Variants in MED15 observed in about 807,000 individuals in gnomAD.
MED15 encodes the protein mediator of RNA polymerase II transcription subunit 15.
MED15 carries 41 observed loss-of-function variants against 118.7 expected under a neutral mutation model. That is an observed-to-expected ratio of 0.35 (90% CI 0.27 to 0.45). The LOEUF (loss-of-function observed/expected upper bound fraction) is 0.45, where lower values mean the gene tolerates loss of function less well. Among genes scored for constraint, MED15 ranks in the 20% least tolerant of loss-of-function variants. The pLI is 1.00. For missense variants in MED15, 740 were observed against 1,025.5 expected, an observed-to-expected ratio of 0.72 and a Z score of 3.80; for synonymous variants, 436 against 413.9, an observed-to-expected ratio of 1.05 and a Z score of -0.65.
At chr22:20,525,530 CTTTTTTTT>C (rs753248152) in intron 1 of MED15, among the ~76,000 whole-genome samples, 8 of 113,312 alleles carry the variant, frequency 7.1e-5, no homozygotes, top group Admixed American at 9.3e-5. Context: ...TGACCTTTCT[CTTTTTTTT>C]TTTTTTTTTT....
chr22:20,561,742 C>T (rs1025316204), intron 5 of MED15, among the ~76,000 whole-genome samples: 3 of 152,150 alleles, frequency 2.0e-5, no homozygotes, highest in African/African-American at 7.2e-5. Flanking sequence ...AGGCCAAGTG[C>T]AGTGGCTCAC....
At chr22:20,512,887 ATGCGCCACCAGGCCCAGCTAATTTT>A (rs1399144626) in intron 1 of MED15, among the ~76,000 whole-genome samples, 1 of 151,256 alleles carries the variant, frequency 6.6e-6, no homozygotes, top group Non-Finnish European at 1.5e-5. Context: ...GGTTACAGGC[ATGCGCCACCAGGCCCAGCTAATTTT>A]TGTATTTTTA....
At chr22:20,564,340 A>G (rs2056353492) in intron 5 of MED15, 110 bp from the exon 6 acceptor site, 2 of 1,531,150 alleles carry the variant, frequency 1.3e-6, no homozygotes, top group Non-Finnish European at 8.8e-7. Flanking sequence ...TTCCAGCGGC[A>G]GCCGTGGCAG....
intron 5 of MED15, among the ~76,000 whole-genome samples, chr22:20,560,960 T>TA (rs922760182): frequency 6.6e-6 from 1 of 152,168 alleles, no homozygotes; most frequent in Non-Finnish European, 1.5e-5. Flanking sequence ...AGCAGGGAGA[T>TA]AGAGCGTGAA....
intron 1 of MED15, chr22:20,523,785 AAGCTCGT>A (rs2054540960): frequency 1.0e-6 from 1 of 985,318 alleles, no homozygotes; most frequent in South Asian, 4.7e-5. Flanking sequence ...TATGTGAAGG[AAGCTCGT>A]GTATTCTTCT....
At chr22:20,551,945 T>C (rs1198991603) in intron 3 of MED15, among the ~76,000 whole-genome samples, 1 of 152,210 alleles carries the variant, frequency 6.6e-6, no homozygotes, top group Non-Finnish European at 1.5e-5. Context: ...GGCTCCCTGC[T>C]GTGCTGAGGG....
intron 3 of MED15, chr22:20,552,603 C>A: frequency 2.4e-6 from 1 of 421,898 alleles, no homozygotes; most frequent in Non-Finnish European, 4.8e-6. Context: ...AGCAGCCGAG[C>A]AGGAGGCTCA....
chr22:20,556,216 T>C (rs993013467), intron 5 of MED15, among the ~76,000 whole-genome samples: 11 of 152,136 alleles, frequency 7.2e-5, no homozygotes, highest in African/African-American at 2.4e-4. Context: ...AATAATAGTA[T>C]CTTACATAGA....
intron 2 of MED15, among the ~76,000 whole-genome samples, chr22:20,537,644 A>G (rs1569193089): frequency 6.6e-6 from 1 of 152,236 alleles, no homozygotes; most frequent in Non-Finnish European, 1.5e-5. Context: ...GAAGAAGGTG[A>G]TGCTTATCTA....
chr22:20,508,493 C>G (rs554559197), intron 1 of MED15: 13 of 1,072,402 alleles, frequency 1.2e-5, no homozygotes, highest in African/African-American at 8.2e-5. Context: ...GGGCTGAGTC[C>G]GAAAAGAGAG....
intron 6 of MED15, among the ~76,000 whole-genome samples, chr22:20,565,357 G>A (rs914976611): frequency 5.3e-5 from 8 of 152,192 alleles, no homozygotes; most frequent in African/African-American, 1.9e-4. Flanking sequence ...GGGCCATTTT[G>A]GCTGAGGACA....
rs551603728 is a variant in MED15 at position 20,554,877 on chromosome 22, G to A, written c.239-59G>A. 2.1e-5 allele frequency: 32 copies of A among 1,499,392 alleles called. No homozygotes were observed. The South Asian group carries it at 3.6e-4, about 17-fold the overall frequency. The allele number at this position is 1,499,392 out of a possible 1,614,324, so 92.9% of individuals were successfully genotyped here. ...GTGCTCTGTGAGCCTTACGCCCTTT[G>A]AGCCATGGTCAGTCTGGTAGGCCCT... On this transcript the variant is annotated intron_variant, in intron 4 of 17. Coordinates refer to ENST00000263205, the MANE Select transcript of MED15 (RefSeq NM_001003891.3).
intron 5 of MED15, among the ~76,000 whole-genome samples, chr22:20,560,547 G>A (rs2056195588): frequency 6.6e-6 from 1 of 152,178 alleles, no homozygotes; most frequent in Non-Finnish European, 1.5e-5. Flanking sequence ...ACAGGCATGA[G>A]CCTCCGCGCC....
intron 9 of MED15, among the ~76,000 whole-genome samples, chr22:20,575,735 A>AAT (rs953069198): frequency 3.3e-5 from 5 of 150,830 alleles, no homozygotes; most frequent in Non-Finnish European, 7.4e-5. Flanking sequence ...TTTAATGGAA[A>AAT]ATATATATAT....
intron 2 of MED15, among the ~76,000 whole-genome samples, chr22:20,544,482 G>A (rs940401598): frequency 7.2e-5 from 11 of 152,116 alleles, no homozygotes; most frequent in Non-Finnish European, 1.2e-4. Flanking sequence ...TGGCTAACAT[G>A]GTGAAACCCC....
chr22:20,542,104 G>A (rs1179020076), intron 2 of MED15, among the ~76,000 whole-genome samples: 1 of 152,154 alleles, frequency 6.6e-6, no homozygotes, highest in Non-Finnish European at 1.5e-5. Flanking sequence ...AGAGAAATTA[G>A]AATTCTCATA....
intron 9 of MED15, among the ~76,000 whole-genome samples, chr22:20,579,744 G>A (rs1228833487): frequency 6.6e-6 from 1 of 152,108 alleles, no homozygotes; most frequent in Non-Finnish European, 1.5e-5. Flanking sequence ...CTGGGGTGTT[G>A]ATGTTTAGCG....
intron 8 of MED15, among the ~76,000 whole-genome samples, chr22:20,572,432 C>G (rs754301465): frequency 6.6e-6 from 1 of 152,262 alleles, no homozygotes; most frequent in Non-Finnish European, 1.5e-5. Flanking sequence ...GAGAGGCGCC[C>G]TGTCAGGCCC....
Position 20,587,001 on chromosome 22 carries a change from G to T in MED15, c.*297G>T. Reference sequence around the variant, plus strand: ...GCTGCTCTCACCGTGGCCTGTCCACGGTCCAGGTCCATCTCAGCAGCGTGA... The same window carrying T: ...GCTGCTCTCACCGTGGCCTGTCCACTGTCCAGGTCCATCTCAGCAGCGTGA... On this transcript the variant is annotated 3_prime_UTR_variant, in exon 18 of 18. Coordinates refer to ENST00000263205, the MANE Select transcript of MED15 (RefSeq NM_001003891.3). 1 of 477,816 alleles carries T rather than the reference G, an allele frequency of 2.1e-6. No homozygotes were observed. Among genetic ancestry groups the T allele is most frequent in the South Asian group, 2.8e-5 (1 of 35,502 alleles). The allele number at this position is 477,816 out of a possible 1,614,324, so 29.6% of individuals were successfully genotyped here. A position where few individuals can be genotyped will look rare whatever the true frequency, so the allele number is the denominator to read the frequency against.
Sources: allele counts gnomAD v4.1 joint callset (sites outside exome capture counted in the v4.1 genomes callset), GRCh38; gene constraint gnomAD v4.1.1; transcripts MANE v1.5; gene names NCBI Gene and HGNC (gene_info 2026-07-23, HGNC 2026-07-21).